Variants in SGCZ observed in about 807,000 individuals in gnomAD.
SGCZ encodes zeta-sarcoglycan.
Under a neutral mutation model 41.3 loss-of-function variants are expected in SGCZ, and 40 were observed. That is an observed-to-expected ratio of 0.97 (90% CI 0.75 to 1.26). SGCZ has a LOEUF of 1.26. Among genes scored for constraint, SGCZ ranks in the 50% most tolerant of loss-of-function variants. The pLI is 0.00. For missense variants in SGCZ, 552 were observed against 369.8 expected, an observed-to-expected ratio of 1.49 and a Z score of -4.04; for synonymous variants, 206 against 137.5, an observed-to-expected ratio of 1.50 and a Z score of -3.49.
At chr8:14,166,544 C>T (rs1302207151) in intron 4 of SGCZ, among the ~76,000 whole-genome samples, 1 of 152,130 alleles carries the variant, frequency 6.6e-6, no homozygotes, top group Admixed American at 6.6e-5. Context: ...AGATATCTTA[C>T]ACATAAAACC....
chr8:14,284,750 T>C (rs1321628638), intron 3 of SGCZ, among the ~76,000 whole-genome samples: 1 of 152,194 alleles, frequency 6.6e-6, no homozygotes, highest in African/African-American at 2.4e-5. Context: ...TTTTTTTTAA[T>C]ACTAGAGTGC....
In SGCZ at chr8:14,112,238, A is replaced by T. The variant is rs75289495; in HGVS notation, c.548-4003T>A. On this transcript the variant is annotated intron_variant, in intron 5 of 7. Coordinates refer to ENST00000382080, the MANE Select transcript of SGCZ (RefSeq NM_139167.4). ...AACTTTTGCTGGCCTTTATTTTTCCAATAAAATCAACTATGATCATGAATT... is the reference window on the plus strand; with the variant it reads ...AACTTTTGCTGGCCTTTATTTTTCCTATAAAATCAACTATGATCATGAATT... Among the ~76,000 whole-genome samples, 744 of 149,620 alleles carry T rather than the reference A, an allele frequency of 5.0e-3. 6 individuals carry two copies. Among genetic ancestry groups the T allele is most frequent in the Middle Eastern group, 0.014 (4 of 288 alleles).
chr8:14,662,620 T>G (rs762563829), intron 1 of SGCZ, among the ~76,000 whole-genome samples: 22 of 152,204 alleles, frequency 1.4e-4, no homozygotes, highest in Admixed American at 2.6e-4. Context: ...ATAATGGTCC[T>G]CCAAAGAAGT....
chr8:14,808,008 T>C (rs1585278819), intron 1 of SGCZ, among the ~76,000 whole-genome samples: 1 of 151,652 alleles, frequency 6.6e-6, no homozygotes, highest in African/African-American at 2.4e-5. Context: ...TAAATGGTGC[T>C]GGGAAAACTG....
chr8:14,327,725 C>T (rs57328808), intron 2 of SGCZ, among the ~76,000 whole-genome samples: 1 of 152,130 alleles, frequency 6.6e-6, no homozygotes, highest in African/African-American at 2.4e-5. Flanking sequence ...TCAGATATAC[C>T]ATCACATTTC....
chr8:14,282,352 CTTTCA>C (rs1800475999), intron 3 of SGCZ, among the ~76,000 whole-genome samples: 1 of 5,414 alleles, frequency 1.8e-4, no homozygotes, highest in Admixed American at 2.7e-3. Flanking sequence ...AAATCCCTTT[CTTTCA>C]AAAAAAAAAT....
At chr8:14,695,717 C>A (rs185490980) in intron 1 of SGCZ, among the ~76,000 whole-genome samples, 1 of 147,556 alleles carries the variant, frequency 6.8e-6, no homozygotes, top group African/African-American at 2.4e-5. Context: ...ACACACAAAC[C>A]AACAATATAC....
At chr8:15,143,440 T>C (rs78188834) in intron 1 of SGCZ, among the ~76,000 whole-genome samples, 252 of 152,340 alleles carry the variant, frequency 1.7e-3, no homozygotes, top group Non-Finnish European at 2.2e-3. Flanking sequence ...ATGAAATGTA[T>C]TTAAGAGAAT....
chr8:15,131,147 A>G (rs1481190738), intron 1 of SGCZ, among the ~76,000 whole-genome samples: 1 of 152,200 alleles, frequency 6.6e-6, no homozygotes, highest in Non-Finnish European at 1.5e-5. Flanking sequence ...AAGGTGCTTC[A>G]GTGATATCGT....
rs1172627917 is a variant in SGCZ at position 15,038,176 on chromosome 8, GA to G, written c.39+199408del. On this transcript the variant is annotated intron_variant, in intron 1 of 7. Coordinates refer to ENST00000382080, the MANE Select transcript of SGCZ (RefSeq NM_139167.4). ...ATTCTTGAGCAAAAAGAATAAATCT[GA>G]AGGTATTACACTGACTGACTTCAAA... Among the ~76,000 whole-genome samples the G allele has an allele frequency of 8.5e-5, 13 of 152,202 alleles. No individual in the cohort carries two copies. The East Asian group carries it at 1.4e-3, about 16-fold the overall frequency.
intron 4 of SGCZ, among the ~76,000 whole-genome samples, chr8:14,166,175 A>C (rs1841904): frequency 0.98 from 149,710 of 152,180 alleles, 73,680 homozygotes; most frequent in Non-Finnish European, 1. Context: ...TTTGGGCTGT[A>C]AAGTTTAAAA....
At chr8:14,494,914 T>C (rs1801947019) in intron 2 of SGCZ, among the ~76,000 whole-genome samples, 1 of 152,206 alleles carries the variant, frequency 6.6e-6, no homozygotes, top group African/African-American at 2.4e-5. Flanking sequence ...GGTAGCATTA[T>C]CCTTGCTGCC....
intron 1 of SGCZ, among the ~76,000 whole-genome samples, chr8:15,171,547 C>G (rs929471260): frequency 6.6e-6 from 1 of 152,176 alleles, no homozygotes; most frequent in African/African-American, 2.4e-5. Context: ...CTCTTTTTAG[C>G]TGGAGATCCA....
chr8:14,902,672 C>T (rs1479251685), intron 1 of SGCZ, among the ~76,000 whole-genome samples: 1 of 152,048 alleles, frequency 6.6e-6, no homozygotes, highest in African/African-American at 2.4e-5. Flanking sequence ...CTAGTCCTGA[C>T]ATTGAATTTG....
chr8:14,814,915 C>T (rs572417988), intron 1 of SGCZ, among the ~76,000 whole-genome samples: 2 of 152,136 alleles, frequency 1.3e-5, no homozygotes, highest in Admixed American at 6.5e-5. Flanking sequence ...CTATTTCATC[C>T]TAATTAATGT....
chr8:14,266,207 C>T (rs1378089219), intron 3 of SGCZ, among the ~76,000 whole-genome samples: 2 of 151,990 alleles, frequency 1.3e-5, no homozygotes, highest in Non-Finnish European at 2.9e-5. Context: ...GGAAGATTAC[C>T]GATTCATATA....
At chr8:14,906,138 C>T (rs865978784) in intron 1 of SGCZ, among the ~76,000 whole-genome samples, 8 of 151,984 alleles carry the variant, frequency 5.3e-5, no homozygotes, top group Admixed American at 3.3e-4. Context: ...AAACATGGGG[C>T]TAATTATATA....
chr8:14,537,751 G>A (rs1024671944), intron 2 of SGCZ, among the ~76,000 whole-genome samples: 1 of 151,824 alleles, frequency 6.6e-6, no homozygotes, highest in Non-Finnish European at 1.5e-5. Context: ...TGTAAGGTTT[G>A]TACAGGGAAA....
chr8:14,807,720 GA>G (rs1422692835), intron 1 of SGCZ, among the ~76,000 whole-genome samples: 1 of 151,556 alleles, frequency 6.6e-6, no homozygotes, highest in Non-Finnish European at 1.5e-5. Context: ...CACAGAATTG[GA>G]AAAAACTACT....
Sources: allele counts gnomAD v4.1 joint callset (sites outside exome capture counted in the v4.1 genomes callset), GRCh38; gene constraint gnomAD v4.1.1; transcripts MANE v1.5; gene names NCBI Gene and HGNC (gene_info 2026-07-23, HGNC 2026-07-21).